Variants in SH3GL3 observed in about 807,000 individuals in gnomAD.
SH3GL3 encodes endophilin-A3.
SH3GL3 carries 33 observed loss-of-function variants against 47.7 expected under a neutral mutation model. That is an observed-to-expected ratio of 0.69 (90% CI 0.52 to 0.92). SH3GL3 has a LOEUF of 0.92. Ranked by LOEUF, SH3GL3 falls within the 40% of genes least tolerant of loss-of-function variation. The pLI, the probability that SH3GL3 is intolerant of heterozygous loss-of-function variation, is 0.00. For synonymous variants in SH3GL3, 155 were observed against 148.8 expected, an observed-to-expected ratio of 1.04 and a Z score of -0.30; for missense variants, 363 against 417.8, an observed-to-expected ratio of 0.87 and a Z score of 1.14.
chr15:83,608,630 G>A (rs947867371), intron 8 of SH3GL3, among the ~76,000 whole-genome samples: 2 of 152,150 alleles, frequency 1.3e-5, no homozygotes, highest in Non-Finnish European at 2.9e-5. Flanking sequence ...GATTGAGCAC[G>A]GTGCCTGGCT....
the SH3GL3 span, among the ~76,000 whole-genome samples, chr15:83,626,728 GC>G: frequency 6.6e-6 from 1 of 152,188 alleles, no homozygotes; most frequent in Non-Finnish European, 1.5e-5. Flanking sequence ...TGGGACTAGG[GC>G]ATGTGTTTTT....
At chr15:83,574,430 C>T (rs1403067509) in intron 5 of SH3GL3, among the ~76,000 whole-genome samples, 1 of 152,148 alleles carries the variant, frequency 6.6e-6, no homozygotes, top group African/African-American at 2.4e-5. Context: ...GGTCTGTCAC[C>T]TCTCACCTCC....
chr15:83,473,737 C>CG (rs1394215081), intron 1 of SH3GL3, among the ~76,000 whole-genome samples: 1 of 151,736 alleles, frequency 6.6e-6, no homozygotes, highest in Non-Finnish European at 1.5e-5. Context: ...TTAGTAGAGA[C>CG]GGGGTTTCAC....
intron 8 of SH3GL3, among the ~76,000 whole-genome samples, chr15:83,607,244 C>G: frequency 6.6e-6 from 1 of 152,130 alleles, no homozygotes; most frequent in East Asian, 1.9e-4. Flanking sequence ...TGTAAAATAC[C>G]ATCATCTAAA....
chr15:83,480,650 G>A (rs1172236118), intron 1 of SH3GL3, among the ~76,000 whole-genome samples: 1 of 152,168 alleles, frequency 6.6e-6, no homozygotes, highest in Admixed American at 6.5e-5. Flanking sequence ...AAAAATTTGA[G>A]AAAAACACCA....
chr15:83,500,620 C>G (rs1308848267), intron 1 of SH3GL3, among the ~76,000 whole-genome samples: 3 of 152,230 alleles, frequency 2.0e-5, no homozygotes, highest in African/African-American at 7.2e-5. Flanking sequence ...GTCTTTGGCT[C>G]CTATGGTGAA....
At chr15:83,476,885 G>A (rs2041126016) in intron 1 of SH3GL3, among the ~76,000 whole-genome samples, 1 of 152,220 alleles carries the variant, frequency 6.6e-6, no homozygotes, top group Admixed American at 6.5e-5. Flanking sequence ...TGAAGCCCTG[G>A]ATAGAACACT....
intron 1 of SH3GL3, among the ~76,000 whole-genome samples, chr15:83,535,165 C>G (rs983441009): frequency 1.3e-5 from 2 of 151,574 alleles, no homozygotes; most frequent in African/African-American, 4.9e-5. Flanking sequence ...ACAAGCTGTT[C>G]TTGCATATTC....
intron 1 of SH3GL3, among the ~76,000 whole-genome samples, chr15:83,456,603 C>A (rs572426771): frequency 3.1e-5 from 4 of 127,596 alleles, no homozygotes; most frequent in Non-Finnish European, 6.6e-5. Context: ...TTCTTTGACT[C>A]GGAAAGGGAA....
chr15:83,572,289 T>C (rs540975696), intron 4 of SH3GL3, among the ~76,000 whole-genome samples: 18 of 152,352 alleles, frequency 1.2e-4, no homozygotes, highest in Middle Eastern at 3.4e-3. Context: ...AAAGGATCTT[T>C]ATCCCCATCT....
At chr15:83,497,390 C>T (rs1293151348) in intron 1 of SH3GL3, among the ~76,000 whole-genome samples, 9 of 152,192 alleles carry the variant, frequency 5.9e-5, no homozygotes, top group Non-Finnish European at 8.8e-5. Context: ...CCTCTTCTTC[C>T]ACGCCCCCCT....
the SH3GL3 span, among the ~76,000 whole-genome samples, chr15:83,627,559 G>A: frequency 6.6e-6 from 1 of 152,184 alleles, no homozygotes. Context: ...GTTTCGATGA[G>A]TGGTTCTCAG....
At chr15:83,568,266 G>T (rs1469059985) in intron 3 of SH3GL3, among the ~76,000 whole-genome samples, 1 of 152,108 alleles carries the variant, frequency 6.6e-6, no homozygotes, top group Non-Finnish European at 1.5e-5. Flanking sequence ...TTACAGGTGT[G>T]AGCCACTGCG....
intron 1 of SH3GL3, among the ~76,000 whole-genome samples, chr15:83,505,100 C>G (rs1352546313): frequency 6.6e-6 from 1 of 152,050 alleles, no homozygotes; most frequent in Admixed American, 6.6e-5. Flanking sequence ...ATGAATACAC[C>G]ACTTACATAC....
intron 8 of SH3GL3, chr15:83,609,280 A>G: frequency 2.2e-6 from 1 of 456,046 alleles, no homozygotes; most frequent in South Asian, 1.5e-5. Flanking sequence ...CCTACAGCAG[A>G]CTGGAACCAG....
At chr15:83,573,606 C>T (rs905100886) in intron 5 of SH3GL3, among the ~76,000 whole-genome samples, 3 of 152,212 alleles carry the variant, frequency 2.0e-5, no homozygotes, top group South Asian at 2.1e-4. Flanking sequence ...GTGTGAACCC[C>T]CACTGGTCTA....
chr15:83,586,317 A>G (rs922498011), intron 6 of SH3GL3, among the ~76,000 whole-genome samples: 6 of 152,220 alleles, frequency 3.9e-5, no homozygotes, highest in African/African-American at 1.4e-4. Context: ...ACACAGCTCT[A>G]AAAAATTCAT....
chr15:83,506,866 G>A (rs557514877), intron 1 of SH3GL3, among the ~76,000 whole-genome samples: 343 of 152,136 alleles, frequency 2.3e-3, no homozygotes, highest in Non-Finnish European at 3.5e-3. Context: ...CTCCCAAGGA[G>A]TGGCTGAAGG....
chr15:83,500,431 C>A (rs2042245968), intron 1 of SH3GL3, among the ~76,000 whole-genome samples: 1 of 152,214 alleles, frequency 6.6e-6, no homozygotes, highest in Admixed American at 6.5e-5. Context: ...ACAGAGCAGG[C>A]TGGAGTTCAT....
Sources: allele counts gnomAD v4.1 joint callset (sites outside exome capture counted in the v4.1 genomes callset), GRCh38; gene constraint gnomAD v4.1.1; transcripts MANE v1.5; gene names NCBI Gene and HGNC (gene_info 2026-07-23, HGNC 2026-07-21).